The following PIGL variants were observed in gnomAD, a reference collection of about 807,000 sequenced individuals.
PIGL encodes the protein N-acetylglucosaminyl-phosphatidylinositol de-N-acetylase.
A neutral mutation model predicts 31.1 loss-of-function variants in PIGL; 22 were observed. The ratio of observed to expected loss-of-function variants is 0.71; its 90% confidence interval spans 0.51 to 1.01. The LOEUF is 1.01. PIGL is among the 50% of genes least tolerant of loss of function. The pLI is 0.00. For missense variants in PIGL, 302 were observed against 315.9 expected, an observed-to-expected ratio of 0.96 and a Z score of 0.33; for synonymous variants, 131 against 117.4, an observed-to-expected ratio of 1.12 and a Z score of -0.75.
Position 16,319,223 on chromosome 17 carries a change from CAA to C in PIGL, c.660+1336_660+1337del, listed in dbSNP as rs11379081. On this transcript the variant is annotated intron_variant, in intron 6 of 6. Transcript: ENST00000225609. ...CTGGGCAACAGAGCCAGACCCTAGCCAAAAAAAAAAAAAAAAAAAAAATCAAA... is the reference window on the plus strand; with the variant it reads ...CTGGGCAACAGAGCCAGACCCTAGCCAAAAAAAAAAAAAAAAAAAATCAAA... 5.9e-3 allele frequency among the ~76,000 whole-genome samples: 487 copies of C among 82,968 alleles called. 2 individuals are homozygous for C. The highest frequency in any genetic ancestry group is 0.02 in the African/African-American group (457 of 22,478). 54.4% of individuals were successfully genotyped at this position (82,968 alleles called of 152,430 possible). A position where few individuals can be genotyped will look rare whatever the true frequency, so the allele number is the denominator to read the frequency against.
chr17:16,274,442 G>T (rs909734531), intron 2 of PIGL, among the ~76,000 whole-genome samples: 1 of 152,134 alleles, frequency 6.6e-6, no homozygotes, highest in Non-Finnish European at 1.5e-5. Context: ...AGTAAAGGAG[G>T]CCGGGTGCGG....
intron 2 of PIGL, among the ~76,000 whole-genome samples, chr17:16,274,375 C>CTTTG (rs777701082): frequency 6.6e-6 from 1 of 152,100 alleles, no homozygotes; most frequent in Non-Finnish European, 1.5e-5. Flanking sequence ...ACATAGGTCA[C>CTTTG]TTTGTTTGTT....
intron 1 of PIGL, among the ~76,000 whole-genome samples, chr17:16,232,975 C>A (rs178785): frequency 2.0e-5 from 3 of 151,758 alleles, no homozygotes; most frequent in African/African-American, 2.4e-5. Context: ...AAAATTAGCC[C>A]GGTGTGGTGG....
intron 2 of PIGL, among the ~76,000 whole-genome samples, chr17:16,255,702 G>C (rs915770873): frequency 6.6e-6 from 1 of 152,106 alleles, no homozygotes; most frequent in Non-Finnish European, 1.5e-5. Flanking sequence ...ATCTGACCAC[G>C]CGTCCTCTCA....
At position 16,316,684 on chromosome 17, in the gene PIGL, C is replaced by A. The variant is rs775527058; in HGVS notation, c.498C>A (p.Ala166=). 6.2e-7 allele frequency: 1 copy of A among 1,605,274 alleles called. No individual in the cohort carries two copies. The highest frequency in any genetic ancestry group is 8.5e-7 in the Non-Finnish European group (1 of 1,172,744). Residue 166 remains alanine (A), a synonymous_variant, in exon 5 of 7, where the codon GCC becomes GCA. Transcript: ENST00000225609. ...TCTTGTCCTATCCCTCCTCCAGGGC[C>A]CTGCACTCAGAAGGGAAGTTACCTA... ...NHIALYAAVR[A]LHSEGKLPKG... is the part of the protein sequence containing the mutation.
At chr17:16,274,648 G>A (rs1167325597) in intron 2 of PIGL, among the ~76,000 whole-genome samples, 4 of 151,860 alleles carry the variant, frequency 2.6e-5, no homozygotes, top group African/African-American at 2.4e-5. Context: ...GCTTGAACCC[G>A]GGAGGCAGAG....
intron 2 of PIGL, among the ~76,000 whole-genome samples, chr17:16,284,818 G>A (rs181322266): frequency 2.6e-5 from 4 of 152,236 alleles, no homozygotes; most frequent in African/African-American, 4.8e-5. Context: ...ATAATACTCC[G>A]GTCTCCATTA....
chr17:16,310,566 C>T lies in PIGL; in HGVS notation c.427-2981C>T, dbSNP rs1027881757. Reference sequence around the variant, plus strand: ...ATTCTTTTTTTTTGAGACAGAGTTTCGCTCTTGTCACCCAGGCTGGAGTCC... The same window carrying T: ...ATTCTTTTTTTTTGAGACAGAGTTTTGCTCTTGTCACCCAGGCTGGAGTCC... On this transcript the variant is annotated intron_variant, in intron 3 of 6. Coordinates refer to ENST00000225609, the MANE Select transcript of PIGL (RefSeq NM_004278.4). Among the ~76,000 whole-genome samples, 7 of 152,016 alleles carry T rather than the reference C, an allele frequency of 4.6e-5. No individual in the cohort carries two copies. The South Asian group carries it at 1.0e-3, about 23-fold the overall frequency.
intron 2 of PIGL, among the ~76,000 whole-genome samples, chr17:16,286,125 G>A (rs1338023052): frequency 6.6e-6 from 1 of 152,250 alleles, no homozygotes; most frequent in Non-Finnish European, 1.5e-5. Flanking sequence ...AGAGGTGGGT[G>A]GAGGGGTGGC....
At chr17:16,319,769 A>AAG (rs2093095062) in intron 6 of PIGL, among the ~76,000 whole-genome samples, 1 of 151,842 alleles carries the variant, frequency 6.6e-6, no homozygotes, top group African/African-American at 2.4e-5. Flanking sequence ...AAAAAAAAAA[A>AAG]AAGAGCCCAG....
chr17:16,289,531 G>A (rs773383713), intron 2 of PIGL, among the ~76,000 whole-genome samples: 3 of 152,106 alleles, frequency 2.0e-5, no homozygotes, highest in South Asian at 2.1e-4. Context: ...ATCAGCATCC[G>A]AGAAATTTCC....
intron 3 of PIGL, among the ~76,000 whole-genome samples, chr17:16,306,874 GAC>G (rs2093028591): frequency 6.6e-6 from 1 of 152,136 alleles, no homozygotes; most frequent in Non-Finnish European, 1.5e-5. Context: ...TTCTTAGAGT[GAC>G]AGTTCAGAGA....
At chr17:16,311,265 A>AGCC (rs1200177488) in intron 3 of PIGL, among the ~76,000 whole-genome samples, 15 of 148,124 alleles carry the variant, frequency 1.0e-4, no homozygotes, top group African/African-American at 3.7e-4. Flanking sequence ...TAGCCTTATT[A>AGCC]TTATTATTAT....
intron 1 of PIGL, among the ~76,000 whole-genome samples, chr17:16,223,304 C>T (rs905473565): frequency 2.3e-4 from 35 of 152,192 alleles, no homozygotes; most frequent in African/African-American, 7.9e-4. Context: ...CTTGGCCAGG[C>T]GCAGTGGCTC....
chr17:16,298,158 C>T (rs2092990528), intron 2 of PIGL, among the ~76,000 whole-genome samples: 2 of 152,146 alleles, frequency 1.3e-5, no homozygotes, highest in African/African-American at 4.8e-5. Context: ...GCAGATGAAC[C>T]AGCTGAAGCA....
chr17:16,218,677 C>CTTTT (rs34243048), intron 1 of PIGL, among the ~76,000 whole-genome samples: 19 of 127,656 alleles, frequency 1.5e-4, no homozygotes, highest in East Asian at 2.3e-4. Flanking sequence ...CCAACTTACT[C>CTTTT]TTTTTTTTTT....
chr17:16,283,410 G>T (rs111907099), intron 2 of PIGL, among the ~76,000 whole-genome samples: 88 of 152,288 alleles, frequency 5.8e-4, no homozygotes, highest in African/African-American at 2.0e-3. Flanking sequence ...TGAGGCTGCA[G>T]TGAGCTGTGT....
At chr17:16,292,908 T>C (rs1014522326) in intron 2 of PIGL, among the ~76,000 whole-genome samples, 4 of 152,296 alleles carry the variant, frequency 2.6e-5, no homozygotes, top group Middle Eastern at 3.4e-3. Context: ...CAAAGAAAAC[T>C]GGGGCAACTA....
intron 2 of PIGL, among the ~76,000 whole-genome samples, chr17:16,255,445 T>C (rs1020324037): frequency 6.6e-6 from 1 of 152,188 alleles, no homozygotes; most frequent in Admixed American, 6.6e-5. Context: ...TAATTTAAGC[T>C]GAACAAGGAA....
Sources: allele counts gnomAD v4.1 joint callset (sites outside exome capture counted in the v4.1 genomes callset), GRCh38; gene constraint gnomAD v4.1.1; transcripts MANE v1.5; gene names NCBI Gene and HGNC (gene_info 2026-07-23, HGNC 2026-07-21).